The following TFDP2 variants were observed in gnomAD, a reference collection of about 807,000 sequenced individuals.
TFDP2 encodes the protein transcription factor Dp-2 (E2F dimerization partner 2).
Under a neutral mutation model 59.3 loss-of-function variants are expected in TFDP2, and 17 were observed. The ratio of observed to expected loss-of-function variants is 0.29; its 90% CI spans 0.20 to 0.43. The LOEUF (loss-of-function observed/expected upper bound fraction) is 0.43, where lower values mean the gene tolerates loss of function less well. Among genes scored for constraint, TFDP2 ranks in the 20% least tolerant of loss-of-function variants. TFDP2 has a pLI of 1.00. For missense variants in TFDP2, 391 were observed against 528.8 expected (o/e 0.74, Z 2.56); for synonymous variants, 180 against 194.7 (o/e 0.92, Z 0.63).
At chr3:142,131,053 CAA>C (rs1223900505) in intron 1 of TFDP2, among the ~76,000 whole-genome samples, 11 of 79,370 alleles carry the variant, frequency 1.4e-4, no homozygotes, top group Middle Eastern at 6.0e-3. Context: ...AACTACGTCT[CAA>C]AAAAAAAAAA....
At position 141,949,443 on chromosome 3, in the gene TFDP2, C is replaced by A. The variant is rs1935671157; in HGVS notation, c.*3070G>T. 1 of 152,388 alleles carries A rather than the reference C, an allele frequency of 6.6e-6. No homozygotes were observed. The allele number at this position is 152,388 out of a possible 1,614,324, so 9.4% of individuals were successfully genotyped here. Reference sequence around the variant, plus strand: ...ACAAGGTATACAAACACCACAACTGCTCTCACCACAGGAAATAAGCACGTG... The same window carrying A: ...ACAAGGTATACAAACACCACAACTGATCTCACCACAGGAAATAAGCACGTG... On this transcript the variant is annotated 3_prime_UTR_variant, in exon 13 of 13. Transcript: ENST00000489671.
chr3:142,020,957 T>C (rs1560046170), intron 3 of TFDP2, among the ~76,000 whole-genome samples: 1 of 151,056 alleles, frequency 6.6e-6, no homozygotes, highest in South Asian at 2.1e-4. Flanking sequence ...TGCACTCCCA[T>C]CTGGGTGACA....
chr3:142,078,220 C>T (rs1234630957), intron 3 of TFDP2, among the ~76,000 whole-genome samples: 2 of 152,182 alleles, frequency 1.3e-5, no homozygotes, highest in Non-Finnish European at 1.5e-5. Context: ...TCCCAGATGG[C>T]GTCTCTCAAC....
intron 3 of TFDP2, among the ~76,000 whole-genome samples, chr3:142,088,815 C>T (rs958220057): frequency 5.3e-5 from 8 of 150,742 alleles, no homozygotes; most frequent in Non-Finnish European, 7.4e-5. Context: ...CAAAAGTAGT[C>T]GACCTCCTGG....
intron 8 of TFDP2, among the ~76,000 whole-genome samples, chr3:141,971,552 CA>C (rs1370289492): frequency 4.5e-4 from 61 of 134,514 alleles, no homozygotes; most frequent in East Asian, 2.1e-3. Flanking sequence ...TCCAACTCAA[CA>C]AAAAAAAAAA....
intron 3 of TFDP2, among the ~76,000 whole-genome samples, chr3:142,006,469 ATT>A (rs61099247): frequency 8.7e-5 from 12 of 137,528 alleles, no homozygotes; most frequent in Admixed American, 2.2e-4. Context: ...TTCCCTTACT[ATT>A]TTTTTTTTTT....
chr3:142,100,458 C>T (rs1288345846), intron 2 of TFDP2, among the ~76,000 whole-genome samples: 3 of 152,172 alleles, frequency 2.0e-5, no homozygotes, highest in Non-Finnish European at 4.4e-5. Flanking sequence ...CTGCAACCTC[C>T]GCCTCCCGGG....
rs2061084911 is a variant in TFDP2 at position 142,094,043 on chromosome 3, C to T, written c.16-916G>A. On this transcript the variant is annotated intron_variant, in intron 2 of 12. Transcript: ENST00000489671. ...AATTTATTTCATTTAAGGTAATATC[C>T]ACTACACTACTTGGCATCACAGAGC... 5.5e-5 allele frequency: 24 copies of T among 436,706 alleles called. 1 individual carries two copies. The highest frequency in any genetic ancestry group is 4.3e-4 in the South Asian group (24 of 56,228). 27.1% of individuals were successfully genotyped at this position (436,706 alleles called of 1,614,324 possible).
intron 3 of TFDP2, among the ~76,000 whole-genome samples, chr3:142,071,696 TA>T (rs761809798): frequency 7.2e-5 from 11 of 152,112 alleles, no homozygotes; most frequent in Non-Finnish European, 1.3e-4. Flanking sequence ...CTCAGAGAGT[TA>T]GGTGGAATCA....
At position 142,101,656 on chromosome 3, in the gene TFDP2, A is replaced by T. The variant is rs574959786; in HGVS notation, c.15+79T>A. ...GCAAGTAAATTAAATCTGGTTAACCAGAATGGTGAGAAAATATGTAGGAAA... is the reference window on the plus strand; with the variant it reads ...GCAAGTAAATTAAATCTGGTTAACCTGAATGGTGAGAAAATATGTAGGAAA... On this transcript the variant is annotated intron_variant, in intron 2 of 12. Coordinates refer to ENST00000489671, the MANE Select transcript of TFDP2 (RefSeq NM_001178139.2). 6 of 938,284 alleles carry T rather than the reference A, an allele frequency of 6.4e-6. 1 individual carries two copies. Among genetic ancestry groups the T allele is most frequent in the Non-Finnish European group, 9.1e-6 (6 of 662,716 alleles). The allele number at this position is 938,284 out of a possible 1,614,324, so 58.1% of individuals were successfully genotyped here.
At chr3:142,061,553 G>A (rs559143862) in intron 3 of TFDP2, among the ~76,000 whole-genome samples, 1 of 152,082 alleles carries the variant, frequency 6.6e-6, no homozygotes, top group Admixed American at 6.6e-5. Context: ...CCTGTTGAGG[G>A]CCCAAAGAGA....
chr3:142,052,753 G>T (rs1050683965), intron 3 of TFDP2, among the ~76,000 whole-genome samples: 1 of 151,960 alleles, frequency 6.6e-6, no homozygotes, highest in Non-Finnish European at 1.5e-5. Flanking sequence ...CCTCCCAAGG[G>T]TAGTTCCGCC....
chr3:141,953,163 G>C, intron 11 of TFDP2, 147 bp from the exon 12 acceptor site: 1 of 483,912 alleles, frequency 2.1e-6, no homozygotes, highest in Admixed American at 3.9e-5. Flanking sequence ...AAGAACCCAG[G>C]TTTCTTCATC....
At chr3:141,995,354 C>T in intron 4 of TFDP2, 1 of 387,540 alleles carries the variant, frequency 2.6e-6, no homozygotes, top group Non-Finnish European at 4.5e-6. Flanking sequence ...CATGAGGTCA[C>T]AATGCAGGTT....
chr3:142,125,811 C>A (rs2062220032), intron 1 of TFDP2, among the ~76,000 whole-genome samples: 1 of 152,110 alleles, frequency 6.6e-6, no homozygotes, highest in Non-Finnish European at 1.5e-5. Context: ...TTAATTCTTA[C>A]AAAATAGTAG....
intron 3 of TFDP2, among the ~76,000 whole-genome samples, chr3:142,014,388 G>A (rs955242217): frequency 6.6e-6 from 1 of 151,770 alleles, no homozygotes; most frequent in African/African-American, 2.4e-5. Context: ...GAGCTCAAGC[G>A]ATCCTCCCAC....
intron 6 of TFDP2, among the ~76,000 whole-genome samples, chr3:141,986,958 T>C (rs887894257): frequency 6.6e-6 from 1 of 152,206 alleles, no homozygotes; most frequent in African/African-American, 2.4e-5. Context: ...AATAAAAAAA[T>C]TCTGTTCATT....
intron 3 of TFDP2, among the ~76,000 whole-genome samples, chr3:142,023,122 C>CAAAAAAAAAAAAAAAAAAAAAAAAAA (rs765096570): frequency 3.4e-5 from 2 of 59,556 alleles, no homozygotes; most frequent in African/African-American, 9.0e-5. Context: ...CCCTCCGTCT[C>CAAAAAAAAAAAAAAAAAAAAAAAAAA]AAAAAAAAAA....
intron 6 of TFDP2, among the ~76,000 whole-genome samples, chr3:141,990,747 A>G (rs1199429336): frequency 6.6e-6 from 1 of 152,192 alleles, no homozygotes; most frequent in Non-Finnish European, 1.5e-5. Context: ...TAAGATTTAA[A>G]TAGAGAGCTT....
Sources: allele counts gnomAD v4.1 joint callset (sites outside exome capture counted in the v4.1 genomes callset), GRCh38; gene constraint gnomAD v4.1.1; transcripts MANE v1.5; gene names NCBI Gene and HGNC (gene_info 2026-07-23, HGNC 2026-07-21).